KCNH5: variants seen among roughly 807,000 people sequenced by gnomAD.
The protein encoded by KCNH5 is potassium voltage-gated channel subfamily H member 5.
In KCNH5, 46 loss-of-function variants were observed where a neutral mutation model predicts 96.1. That is an observed-to-expected ratio of 0.48 (90% confidence interval 0.38 to 0.61). The LOEUF (loss-of-function observed/expected upper bound fraction) is 0.61, where lower values mean the gene tolerates loss of function less well. Among genes scored for constraint, KCNH5 ranks in the 20% least tolerant of loss-of-function variants. The probability of loss-of-function intolerance (pLI) is 0.00; values close to 1 mark genes in which losing one functional copy is unlikely to be tolerated. For synonymous variants in KCNH5, 439 were observed against 449.8 expected (o/e 0.98, Z 0.30); for missense variants, 907 against 1,225.8 (o/e 0.74, Z 3.88).
intron 8 of KCNH5, among the ~76,000 whole-genome samples, chr14:62,822,368 T>C (rs945972547): frequency 6.6e-6 from 1 of 152,114 alleles, no homozygotes; most frequent in Non-Finnish European, 1.5e-5. Context: ...ATGTTAGGCA[T>C]ACCTTATAGC....
At chr14:62,737,950 T>C (rs1019067962) in intron 10 of KCNH5, among the ~76,000 whole-genome samples, 1 of 152,118 alleles carries the variant, frequency 6.6e-6, no homozygotes, top group African/African-American at 2.4e-5. Flanking sequence ...TATACATTTT[T>C]CCTATACCCG....
At chr14:62,999,507 T>C (rs1395840180) in intron 4 of KCNH5, among the ~76,000 whole-genome samples, 2 of 151,954 alleles carry the variant, frequency 1.3e-5, no homozygotes, top group African/African-American at 4.8e-5. Flanking sequence ...ATGTGGCACA[T>C]ACACACCATG....
intron 7 of KCNH5, among the ~76,000 whole-genome samples, chr14:62,916,355 A>G (rs1889275177): frequency 6.6e-6 from 1 of 152,230 alleles, no homozygotes; most frequent in African/African-American, 2.4e-5. Context: ...GGAAGACACA[A>G]TTAAAGAGAA....
chr14:63,038,439 C>A (rs891859342), intron 1 of KCNH5, among the ~76,000 whole-genome samples: 1 of 152,188 alleles, frequency 6.6e-6, no homozygotes, highest in East Asian at 1.9e-4. Context: ...AATTGCGTAT[C>A]TTTTGAGATC....
At chr14:62,934,421 C>G (rs548801752) in intron 7 of KCNH5, among the ~76,000 whole-genome samples, 2 of 152,096 alleles carry the variant, frequency 1.3e-5, no homozygotes, top group East Asian at 3.8e-4. Context: ...CAAATGCTGC[C>G]CATAGTACAG....
chr14:62,974,719 C>T (rs951022109), intron 6 of KCNH5, among the ~76,000 whole-genome samples: 1 of 152,166 alleles, frequency 6.6e-6, no homozygotes. Flanking sequence ...CATATTCTTT[C>T]TTATTCCCAA....
chr14:63,033,315 C>T (rs548091063), intron 1 of KCNH5, among the ~76,000 whole-genome samples: 22 of 152,330 alleles, frequency 1.4e-4, no homozygotes, highest in African/African-American at 5.1e-4. Flanking sequence ...AATCTAGCTG[C>T]GCTAGTGTTT....
In KCNH5 at chr14:62,779,787, T is replaced by C. The variant is rs199774231; in HGVS notation, c.1960A>G (p.Thr654Ala). The C allele has an allele frequency of 2.9e-4, 472 of 1,613,938 alleles. No homozygotes were observed. The highest frequency in any genetic ancestry group is 3.7e-4 in the Non-Finnish European group (441 of 1,179,946). Residue 654 changes from threonine (T) to alanine (A), a missense_variant, in exon 10 of 11, where the codon ACA becomes GCA. This residue lies in a region of KCNH5 where 57 missense variants were observed against 76.0 expected (regional missense o/e 0.75). Coordinates refer to ENST00000322893, the MANE Select transcript of KCNH5 (RefSeq NM_139318.5). The part of the protein sequence containing the change: ...EALLKVLDFY[T>A]AFANSFSRNL... ...CTTGAGAAGGAGTTTGCAAAAGCTG[T>C]ATAAAAGTCCAGGACTTTGAGCAAG...
chr14:62,745,946 A>G (rs1885366724), intron 10 of KCNH5, among the ~76,000 whole-genome samples: 1 of 152,206 alleles, frequency 6.6e-6, no homozygotes, highest in African/African-American at 2.4e-5. Context: ...CAAGCCCTAC[A>G]GCTTCCTAAA....
intron 7 of KCNH5, among the ~76,000 whole-genome samples, chr14:62,888,418 C>A (rs1054855440): frequency 1.2e-4 from 19 of 152,152 alleles, no homozygotes; most frequent in Admixed American, 1.1e-3. Context: ...GCAGGAAAAT[C>A]ATTCAACCTC....
chr14:62,757,252 C>A (rs1036292213), intron 10 of KCNH5, among the ~76,000 whole-genome samples: 3 of 152,166 alleles, frequency 2.0e-5, no homozygotes, highest in Non-Finnish European at 4.4e-5. Flanking sequence ...TATCCTATCA[C>A]CCCATTTAAA....
intron 10 of KCNH5, among the ~76,000 whole-genome samples, chr14:62,753,877 A>G (rs1418265625): frequency 2.6e-5 from 4 of 152,202 alleles, no homozygotes; most frequent in African/African-American, 9.7e-5. Flanking sequence ...TAGGACATTA[A>G]TGAGCAATAA....
At chr14:62,793,473 T>C (rs746659051) in intron 9 of KCNH5, among the ~76,000 whole-genome samples, 2 of 151,802 alleles carry the variant, frequency 1.3e-5, no homozygotes, top group Non-Finnish European at 3.0e-5. Context: ...TAAAGGTGTG[T>C]TGCTGTGATA....
intron 8 of KCNH5, among the ~76,000 whole-genome samples, chr14:62,842,140 A>G (rs2140038089): frequency 6.6e-6 from 1 of 152,356 alleles, no homozygotes; most frequent in East Asian, 1.9e-4. Context: ...TAATTATATT[A>G]GCTGACAATA....
chr14:62,828,446 A>T (rs1887270204), intron 8 of KCNH5, among the ~76,000 whole-genome samples: 1 of 152,304 alleles, frequency 6.6e-6, no homozygotes, highest in Admixed American at 6.5e-5. Flanking sequence ...GGTTTAATTG[A>T]TTCACAGTTG....
At chr14:62,851,514 A>AC (rs1248125886) in intron 7 of KCNH5, among the ~76,000 whole-genome samples, 1 of 140,260 alleles carries the variant, frequency 7.1e-6, no homozygotes, top group East Asian at 2.1e-4. Context: ...AAAAAAAAAA[A>AC]ACCTAAAGGT....
At chr14:62,757,183 T>C (rs1363219911) in intron 10 of KCNH5, among the ~76,000 whole-genome samples, 1 of 152,064 alleles carries the variant, frequency 6.6e-6, no homozygotes, top group Admixed American at 6.6e-5. Flanking sequence ...GGCAAATAGG[T>C]GTATTAAAAG....
intron 7 of KCNH5, among the ~76,000 whole-genome samples, chr14:62,888,482 T>C (rs902181665): frequency 2.0e-5 from 3 of 152,178 alleles, no homozygotes; most frequent in Non-Finnish European, 2.9e-5. Flanking sequence ...AACCTGGCAG[T>C]GGGCAGGCAT....
rs1385614051 is a variant in KCNH5 at position 62,802,414 on chromosome 14, A to G, written c.1737T>C (p.His579=). 1 of 1,614,120 alleles carries G rather than the reference A, an allele frequency of 6.2e-7. No individual in the cohort carries two copies. The highest frequency in any genetic ancestry group is 1.7e-5 in the Admixed American group (1 of 60,012). ...IHCAPGDLIY[H]AGESVDALCF... ...AGAGGGCATCCACACTTTCTCCAGC[A>G]TGGTAAATGAGGTCCCCGGGAGCAC... is the stretch of plus-strand genomic sequence containing the variant. Residue 579 remains histidine, a synonymous_variant, in exon 9 of 11, where the codon CAT becomes CAC. Transcript: ENST00000322893.
Sources: allele counts gnomAD v4.1 joint callset (sites outside exome capture counted in the v4.1 genomes callset), GRCh38; gene constraint gnomAD v4.1.1; regional missense constraint gnomAD v4.1.1; transcripts MANE v1.5; gene names NCBI Gene and HGNC (gene_info 2026-07-23, HGNC 2026-07-21).